MAGI2: variants seen among roughly 807,000 people sequenced by gnomAD.
The protein encoded by MAGI2 is membrane-associated guanylate kinase, WW and PDZ domain-containing protein 2.
MAGI2 carries 35 observed loss-of-function variants against 133.3 expected under a neutral mutation model. That is an observed-to-expected ratio of 0.26 (90% CI 0.20 to 0.35). The LOEUF (loss-of-function observed/expected upper bound fraction) is 0.35, where lower values mean the gene tolerates loss of function less well. MAGI2 is among the 10% of genes least tolerant of loss of function. The pLI is 1.00. For missense variants in MAGI2, 1,636 were observed against 1,863.4 expected (o/e 0.88, Z 2.25); for synonymous variants, 729 against 710.6 (o/e 1.03, Z -0.41).
At chr7:79,137,504 G>T (rs955921559) in intron 1 of MAGI2, among the ~76,000 whole-genome samples, 9 of 148,002 alleles carry the variant, frequency 6.1e-5, no homozygotes, top group Admixed American at 1.4e-4. Flanking sequence ...TTGTAGTGTA[G>T]TGTAGTGGTG....
chr7:79,112,544 G>A (rs866502237), intron 1 of MAGI2, among the ~76,000 whole-genome samples: 1 of 152,132 alleles, frequency 6.6e-6, no homozygotes, highest in South Asian at 2.1e-4. Flanking sequence ...AGTCTGCTAA[G>A]TGCAGATGTC....
At chr7:78,389,636 AT>A (rs1437103793) in intron 6 of MAGI2, among the ~76,000 whole-genome samples, 32 of 152,244 alleles carry the variant, frequency 2.1e-4, no homozygotes, top group African/African-American at 7.0e-4. Flanking sequence ...CTTTGTTGTG[AT>A]TTTATGCTCT....
At chr7:78,136,454 G>C (rs1179848516) in intron 16 of MAGI2, among the ~76,000 whole-genome samples, 1 of 152,122 alleles carries the variant, frequency 6.6e-6, no homozygotes, top group Non-Finnish European at 1.5e-5. Flanking sequence ...TATGTGTGAG[G>C]AGAGCCACAC....
chr7:78,944,285 A>C (rs552430718), intron 2 of MAGI2, among the ~76,000 whole-genome samples: 1 of 152,270 alleles, frequency 6.6e-6, no homozygotes, highest in African/African-American at 2.4e-5. Context: ...AGAATGTGAC[A>C]TAAGTTCCAT....
intron 1 of MAGI2, among the ~76,000 whole-genome samples, chr7:79,416,128 T>G (rs1846492052): frequency 6.6e-6 from 1 of 152,250 alleles, no homozygotes; most frequent in Admixed American, 6.5e-5. Context: ...TAAGTGTTTA[T>G]ATCCTACTGA....
chr7:79,143,022 C>CT (rs1193467249), intron 1 of MAGI2, among the ~76,000 whole-genome samples: 1 of 152,128 alleles, frequency 6.6e-6, no homozygotes, highest in Non-Finnish European at 1.5e-5. Flanking sequence ...TTATAAAAGC[C>CT]TTTTGCAGTT....
chr7:78,835,127 C>A (rs1791503625), intron 2 of MAGI2, among the ~76,000 whole-genome samples: 2 of 152,126 alleles, frequency 1.3e-5, no homozygotes, highest in African/African-American at 4.8e-5. Flanking sequence ...TATAGTAACT[C>A]TATGTTTAAC....
intron 1 of MAGI2, chr7:79,413,625 A>C (rs1846290112): frequency 6.6e-6 from 1 of 152,000 alleles, no homozygotes; most frequent in Non-Finnish European, 1.5e-5. Context: ...TGAGCCCCTA[A>C]TGTGGGCTGG....
At chr7:79,409,474 TC>T (rs1028796122) in intron 1 of MAGI2, among the ~76,000 whole-genome samples, 20 of 151,868 alleles carry the variant, frequency 1.3e-4, no homozygotes, top group South Asian at 4.1e-4. Context: ...GTTTTTTTTT[TC>T]GTTTCCTTTC....
intron 6 of MAGI2, among the ~76,000 whole-genome samples, chr7:78,405,971 AAAC>A (rs1363866277): frequency 1.3e-5 from 2 of 152,014 alleles, no homozygotes; most frequent in Admixed American, 1.3e-4. Flanking sequence ...TAATTTCATA[AAAC>A]ATCAGAATTT....
intron 20 of MAGI2, among the ~76,000 whole-genome samples, chr7:78,103,066 A>C (rs1429936924): frequency 6.6e-6 from 1 of 151,998 alleles, no homozygotes; most frequent in Non-Finnish European, 1.5e-5. Context: ...CCTCATATCT[A>C]CCTGTTGAAG....
chr7:78,426,441 C>T (rs1470102276), intron 6 of MAGI2, among the ~76,000 whole-genome samples: 1 of 151,934 alleles, frequency 6.6e-6, no homozygotes, highest in Non-Finnish European at 1.5e-5. Context: ...GAACATCACA[C>T]TCTGGGGACT....
At chr7:79,423,778 T>C (rs972594583) in intron 1 of MAGI2, among the ~76,000 whole-genome samples, 1 of 152,082 alleles carries the variant, frequency 6.6e-6, no homozygotes, top group Non-Finnish European at 1.5e-5. Flanking sequence ...TTTCCTGTTA[T>C]GTAAAATCAT....
chr7:78,912,784 T>C (rs1045984790), intron 2 of MAGI2, among the ~76,000 whole-genome samples: 1 of 146,634 alleles, frequency 6.8e-6, no homozygotes, highest in African/African-American at 2.5e-5. Flanking sequence ...ATATCATTCA[T>C]ATATATATAT....
intron 6 of MAGI2, among the ~76,000 whole-genome samples, chr7:78,432,439 A>T (rs1429846676): frequency 6.6e-6 from 1 of 152,078 alleles, no homozygotes; most frequent in Non-Finnish European, 1.5e-5. Context: ...TAGTCAGTGA[A>T]ACCCAGGTTT....
intron 20 of MAGI2, among the ~76,000 whole-genome samples, chr7:78,092,603 C>T (rs1384899455): frequency 3.3e-5 from 5 of 152,148 alleles, no homozygotes; most frequent in African/African-American, 1.2e-4. Context: ...AGTGACATCA[C>T]TATTAATAGG....
At position 79,180,975 on chromosome 7, in the gene MAGI2, A is replaced by G. The variant is rs2129550326; in HGVS notation, c.302-173769T>C. ...TGACTTCATGTCTCACATCCAGGTC[A>G]TGCTGATGTAAGAGGTGAGTTCTCA... On this transcript the variant is annotated intron_variant, in intron 1 of 21. Coordinates refer to ENST00000354212, the MANE Select transcript of MAGI2 (RefSeq NM_012301.4). Among the ~76,000 whole-genome samples the G allele has an allele frequency of 1.3e-5, 2 of 152,086 alleles. 1 individual carries two copies. Among genetic ancestry groups the G allele is most frequent in the African/African-American group, 4.8e-5 (2 of 41,410 alleles).
Position 78,624,338 on chromosome 7 carries a change from C to T in MAGI2, c.538+2782G>A, listed in dbSNP as rs117789222. On this transcript the variant is annotated intron_variant, in intron 3 of 21. Transcript: ENST00000354212. ...TTTAATTAGATCCCATTTGTCAATT[C>T]GCTTTTGTTGCAATTGCTTTTGGTG... Among the ~76,000 whole-genome samples the T allele has an allele frequency of 6.4e-4, 98 of 152,092 alleles. 2 individuals are homozygous for T. In the East Asian group the frequency reaches 0.017, roughly 26 times the overall value.
Position 78,944,655 on chromosome 7 carries a change from C to T in MAGI2, c.418+62435G>A, listed in dbSNP as rs1014465837. 3.9e-5 allele frequency among the ~76,000 whole-genome samples: 6 copies of T among 152,012 alleles called. No homozygotes were observed. In the East Asian group the frequency reaches 5.8e-4, roughly 15 times the overall value. ...CACTTGGGTACATATCTTTGTACCA[C>T]CCGCCCACTAGCACCCAGGGATATA... On this transcript the variant is annotated intron_variant, in intron 2 of 21. Transcript: ENST00000354212.
Sources: allele counts gnomAD v4.1 joint callset (sites outside exome capture counted in the v4.1 genomes callset), GRCh38; gene constraint gnomAD v4.1.1; transcripts MANE v1.5; gene names NCBI Gene and HGNC (gene_info 2026-07-23, HGNC 2026-07-21).